The following PDZRN4 variants were observed in gnomAD, a reference collection of about 807,000 sequenced individuals.
PDZRN4 encodes PDZ domain-containing RING finger protein 4.
Under a neutral mutation model 99.0 loss-of-function variants are expected in PDZRN4, and 70 were observed. That is an observed-to-expected ratio of 0.71 (90% CI 0.58 to 0.86). PDZRN4 has a LOEUF of 0.86. Among genes scored for constraint, PDZRN4 ranks in the 40% least tolerant of loss-of-function variants. The pLI is 0.00. For missense variants in PDZRN4, 1,474 were observed against 1,331.2 expected, an observed-to-expected ratio of 1.11 and a Z score of -1.67; for synonymous variants, 551 against 501.6, an observed-to-expected ratio of 1.10 and a Z score of -1.32.
At chr12:41,420,072 A>G (rs1952476861) in intron 3 of PDZRN4, among the ~76,000 whole-genome samples, 1 of 152,190 alleles carries the variant, frequency 6.6e-6, no homozygotes, top group African/African-American at 2.4e-5. Context: ...TAAGCTCAAG[A>G]AAACTATAAC....
At chr12:41,375,107 A>G (rs1035809355) in intron 3 of PDZRN4, among the ~76,000 whole-genome samples, 1 of 152,158 alleles carries the variant, frequency 6.6e-6, no homozygotes, top group African/African-American at 2.4e-5. Flanking sequence ...TGTAAACAGT[A>G]AATTCTCCAG....
Position 41,208,291 on chromosome 12 carries a change from G to A in PDZRN4, c.843+14103G>A, listed in dbSNP as rs182088942. 7.9e-5 allele frequency among the ~76,000 whole-genome samples: 12 copies of A among 151,960 alleles called. No homozygotes were observed. The East Asian group carries it at 1.9e-3, about 25-fold the overall frequency. On this transcript the variant is annotated intron_variant, in intron 3 of 9. Transcript: ENST00000402685. ...AAGGGAAATATTTAAATCCAATTCT[G>A]GGAATAATTTGAAGAGATTTTGCTG... is the stretch of plus-strand genomic sequence containing the variant.
intron 3 of PDZRN4, among the ~76,000 whole-genome samples, chr12:41,462,183 T>C (rs1169388438): frequency 3.9e-5 from 6 of 152,224 alleles, no homozygotes; most frequent in Non-Finnish European, 8.8e-5. Context: ...GAGGAAAATA[T>C]CCACTTCATA....
intron 7 of PDZRN4, among the ~76,000 whole-genome samples, chr12:41,563,042 C>T (rs1939299241): frequency 6.6e-6 from 1 of 151,156 alleles, no homozygotes; most frequent in African/African-American, 2.4e-5. Context: ...CTGGGTCAGA[C>T]CCACACGCAA....
intron 3 of PDZRN4, among the ~76,000 whole-genome samples, chr12:41,282,247 A>G (rs966164719): frequency 6.6e-6 from 1 of 152,208 alleles, no homozygotes; most frequent in Non-Finnish European, 1.5e-5. Flanking sequence ...ACAGACTTTA[A>G]ACCAACAAAG....
intron 3 of PDZRN4, among the ~76,000 whole-genome samples, chr12:41,388,793 T>A (rs1033846483): frequency 6.6e-6 from 1 of 152,196 alleles, no homozygotes; most frequent in Non-Finnish European, 1.5e-5. Flanking sequence ...GAGCTTCCAT[T>A]CACTGAGTTT....
intron 3 of PDZRN4, among the ~76,000 whole-genome samples, chr12:41,260,842 C>A (rs931674788): frequency 1.2e-4 from 19 of 152,150 alleles, no homozygotes; most frequent in African/African-American, 4.6e-4. Flanking sequence ...ATTAACATTT[C>A]TCATACTTGA....
At chr12:41,219,699 A>C (rs1002323750) in intron 3 of PDZRN4, among the ~76,000 whole-genome samples, 1 of 152,094 alleles carries the variant, frequency 6.6e-6, no homozygotes, top group African/African-American at 2.4e-5. Context: ...GAAGTGTATG[A>C]AGAAGCAACC....
chr12:41,209,574 C>T (rs1034454737), intron 3 of PDZRN4, among the ~76,000 whole-genome samples: 2 of 148,730 alleles, frequency 1.3e-5, no homozygotes, highest in Non-Finnish European at 3.0e-5. Flanking sequence ...TCAATTCCCA[C>T]CTATGAGTGA....
chr12:41,223,501 A>G (rs1376869186), intron 3 of PDZRN4, among the ~76,000 whole-genome samples: 1 of 152,214 alleles, frequency 6.6e-6, no homozygotes, highest in African/African-American at 2.4e-5. Context: ...CTGTAGACAC[A>G]GAATACATTG....
At chr12:41,345,125 G>T (rs947066513) in intron 3 of PDZRN4, among the ~76,000 whole-genome samples, 2 of 152,086 alleles carry the variant, frequency 1.3e-5, no homozygotes, top group African/African-American at 4.8e-5. Context: ...TAAAGGATGG[G>T]AGTTGCATTA....
intron 3 of PDZRN4, among the ~76,000 whole-genome samples, chr12:41,447,070 C>T (rs1054014942): frequency 7.2e-5 from 11 of 151,982 alleles, no homozygotes; most frequent in African/African-American, 2.4e-4. Context: ...GGCTTAGTGC[C>T]GTCATCCCCA....
intron 3 of PDZRN4, among the ~76,000 whole-genome samples, chr12:41,401,590 G>A (rs1592044596): frequency 6.6e-6 from 1 of 152,022 alleles, no homozygotes; most frequent in African/African-American, 2.4e-5. Context: ...AGGGCTTCTT[G>A]AATCCATCTC....
chr12:41,458,245 C>T (rs1952834736), intron 3 of PDZRN4, among the ~76,000 whole-genome samples: 1 of 152,184 alleles, frequency 6.6e-6, no homozygotes, highest in Non-Finnish European at 1.5e-5. Flanking sequence ...GCAATCTCCA[C>T]TTCCCAGGTT....
At chr12:41,334,749 T>C (rs754665221) in intron 3 of PDZRN4, among the ~76,000 whole-genome samples, 1 of 152,210 alleles carries the variant, frequency 6.6e-6, no homozygotes, top group South Asian at 2.1e-4. Context: ...GATAAATCAT[T>C]GATTATAGAA....
chr12:41,403,804 TA>T (rs542068785), intron 3 of PDZRN4, among the ~76,000 whole-genome samples: 107 of 152,288 alleles, frequency 7.0e-4, no homozygotes, highest in Middle Eastern at 3.4e-3. Flanking sequence ...AATTACTTTT[TA>T]GTACCAGGCA....
intron 3 of PDZRN4, among the ~76,000 whole-genome samples, chr12:41,353,814 G>T (rs184243897): frequency 5.8e-4 from 89 of 152,160 alleles, no homozygotes; most frequent in African/African-American, 2.0e-3. Context: ...TAACCAGTTA[G>T]AATTTTCTGT....
intron 3 of PDZRN4, among the ~76,000 whole-genome samples, chr12:41,464,025 C>T (rs113000149): frequency 0.018 from 2,672 of 152,212 alleles, 40 homozygotes; most frequent in Middle Eastern, 0.045. Flanking sequence ...TGGCTTCCAT[C>T]GTGAGTCTAT....
intron 3 of PDZRN4, among the ~76,000 whole-genome samples, chr12:41,465,760 C>T (rs181607052): frequency 4.6e-4 from 70 of 152,286 alleles, no homozygotes; most frequent in African/African-American, 1.4e-3. Flanking sequence ...CAGGATGTGA[C>T]GAATTTTTAC....
Sources: gnomAD v4.1 joint callset for allele counts (sites outside exome capture counted in the v4.1 genomes callset) on GRCh38, gnomAD v4.1.1 for gene constraint, MANE v1.5 for transcripts, NCBI Gene and HGNC (gene_info 2026-07-23, HGNC 2026-07-21) for gene names.